PLXNA1: variants seen among roughly 807,000 people sequenced by gnomAD.
PLXNA1 encodes plexin-A1.
In PLXNA1, 77 loss-of-function variants were observed where a neutral mutation model predicts 191.7. That is an observed-to-expected ratio of 0.40 (90% CI 0.33 to 0.49). The LOEUF (loss-of-function observed/expected upper bound fraction) is 0.49, where lower values mean the gene tolerates loss of function less well. Ranked by LOEUF, PLXNA1 falls within the 20% of genes least tolerant of loss-of-function variation. The pLI, the probability that PLXNA1 is intolerant of heterozygous loss-of-function variation, is 0.63. For missense variants in PLXNA1, 2,110 were observed against 2,660.2 expected, an observed-to-expected ratio of 0.79 and a Z score of 4.55; for synonymous variants, 1,137 against 1,156.4, an observed-to-expected ratio of 0.98 and a Z score of 0.34.
chr3:126,989,088 G>T lies in PLXNA1; in HGVS notation c.495G>T (p.Glu165Asp). Residue 165 changes from glutamate to aspartate, a missense_variant, in exon 2 of 32, where the codon GAG (glutamate) becomes GAT (aspartate). Transcript: ENST00000393409. ...AGCACTACCTGTCCAGCGTGCAGGA[G>T]GCAGGCAGCATGGCGGGCGTGCTCA... ...RKEHYLSSVQ[E>D]AGSMAGVLIA... 6.2e-7 allele frequency: 1 copy of T among 1,613,420 alleles called. No homozygotes were observed. The highest frequency in any genetic ancestry group is 1.3e-5 in the African/African-American group (1 of 75,080).
At chr3:127,020,461 G>A (rs2079146945) in intron 21 of PLXNA1, 117 bp downstream of exon 21, 2 of 1,284,322 alleles carry the variant, frequency 1.6e-6, no homozygotes, top group African/African-American at 1.5e-5. Context: ...CCTGGGGGAG[G>A]GTCCAGGCCT....
intron 5 of PLXNA1, 81 bp from the exon 6 acceptor site, chr3:127,004,804 G>C: frequency 1.9e-6 from 3 of 1,588,836 alleles, no homozygotes; most frequent in Non-Finnish European, 1.7e-6. Context: ...AAGCCACCCC[G>C]AGTTCTCTGC....
At position 126,989,279 on chromosome 3, in the gene PLXNA1, T is replaced by C; in HGVS notation, c.686T>C (p.Leu229Pro). Residue 229 changes from leucine (L) to proline (P), a missense_variant, in exon 2 of 32, where the codon CTC becomes CCC. By Grantham distance (98) the Leu-to-Pro change is moderately conservative. Around this residue, in one of 4 missense-constraint regions of PLXNA1, gnomAD observed 903 missense variants for 1,015.7 expected, o/e 0.89. Transcript: ENST00000393409. ...VYQDEFVSSQ[L>P]KIPSDTLSKF... ...CAGGATGAGTTTGTGTCATCACAGC[T>C]CAAGATCCCTTCGGACACGCTGTCC... 1 of 1,613,668 alleles carries C rather than the reference T, an allele frequency of 6.2e-7. No homozygotes were observed. The highest frequency in any genetic ancestry group is 8.5e-7 in the Non-Finnish European group (1 of 1,180,036).
chr3:126,994,610 G>T (rs920844578), intron 3 of PLXNA1, among the ~76,000 whole-genome samples: 1 of 152,302 alleles, frequency 6.6e-6, no homozygotes, highest in African/African-American at 2.4e-5. Context: ...CTCTGGCCTT[G>T]CTCCACTGTG....
At position 127,010,784 on chromosome 3, in the gene PLXNA1, C is replaced by T. The variant is rs779760666; in HGVS notation, c.2113-1174C>T. Among the ~76,000 whole-genome samples, 11 of 152,320 alleles carry T rather than the reference C, an allele frequency of 7.2e-5. No individual in the cohort carries two copies. In the East Asian group the frequency reaches 1.2e-3, roughly 16 times the overall value. On this transcript the variant is annotated intron_variant, in intron 9 of 31. Transcript: ENST00000393409. ...CCGGCCAAGAGGTTTCCTGAACTTA[C>T]GGGCACCAACAAAGCCCGTCCCTCA...
intron 3 of PLXNA1, among the ~76,000 whole-genome samples, chr3:126,998,569 C>T (rs2079025587): frequency 6.6e-6 from 1 of 152,212 alleles, no homozygotes; most frequent in South Asian, 2.1e-4. Flanking sequence ...TGTGGCCTCA[C>T]CAGCTGGGTG....
At chr3:126,987,614 T>C (rs1251598675) in intron 1 of PLXNA1, among the ~76,000 whole-genome samples, 1 of 151,906 alleles carries the variant, frequency 6.6e-6, no homozygotes, top group Non-Finnish European at 1.5e-5. Context: ...GGGGTCACTG[T>C]GGAGGGGTGG....
chr3:127,032,861 C>A (rs62263312), intron 31 of PLXNA1, 25 bp downstream of exon 31: 1 of 1,608,498 alleles, frequency 6.2e-7, no homozygotes, highest in Non-Finnish European at 8.5e-7. Context: ...AGCCCACAGG[C>A]TGGGCTAGGA....
chr3:127,015,044 C>T (rs2079115981), intron 14 of PLXNA1, 140 bp from the exon 15 acceptor site: 1 of 1,367,938 alleles, frequency 7.3e-7, no homozygotes, highest in Admixed American at 2.4e-5. Flanking sequence ...GAAGTACTGG[C>T]TCTGAAGTGC....
At chr3:127,030,472 G>A in intron 29 of PLXNA1, 60 bp downstream of exon 29, 1 of 1,590,002 alleles carries the variant, frequency 6.3e-7, no homozygotes, top group African/African-American at 1.3e-5. Flanking sequence ...GTGTTCCCAG[G>A]GCCCTCGCCC....
rs73196537 is a variant in PLXNA1 at position 127,004,530 on chromosome 3, G to T, written c.1519-81G>T. ...CAGGGCCTCCCCGGGCCTAAGGAGAGCAGAGTAGGGAGTCAGAGGTGAGGA... is the reference window on the plus strand; with the variant it reads ...CAGGGCCTCCCCGGGCCTAAGGAGATCAGAGTAGGGAGTCAGAGGTGAGGA... On this transcript the variant is annotated intron_variant, in intron 4 of 31. Transcript: ENST00000393409. 8.6e-3 allele frequency: 8,359 copies of T among 969,934 alleles called. 47 individuals carry two copies. Among genetic ancestry groups the T allele is most frequent in the Non-Finnish European group, 0.012 (7,257 of 619,828 alleles). 60.1% of individuals were successfully genotyped at this position (969,934 alleles called of 1,614,324 possible).
At position 127,030,267 on chromosome 3, in the gene PLXNA1, G is replaced by T; in HGVS notation, c.5086G>T (p.Asp1696Tyr). The change falls in exon 29 of 32, where the codon GAC becomes TAC. Residue 1696 changes from aspartate to tyrosine, a missense_variant. Around this residue, in one of 4 missense-constraint regions of PLXNA1, gnomAD observed 559 missense variants for 911.5 expected, o/e 0.61. Coordinates refer to ENST00000393409, the MANE Select transcript of PLXNA1 (RefSeq NM_032242.4). Reference sequence around the variant, plus strand: ...GGGCACACTGCAGAAGTTTGTGGACGACCTGTTTGAGACCATCTTCAGCAC... The same window carrying T: ...GGGCACACTGCAGAAGTTTGTGGACTACCTGTTTGAGACCATCTTCAGCAC... ...TKGTLQKFVD[D>Y]LFETIFSTAH... 5 of 1,613,768 alleles carry T rather than the reference G, an allele frequency of 3.1e-6. No individual in the cohort carries two copies. Among genetic ancestry groups the T allele is most frequent in the Non-Finnish European group, 4.2e-6 (5 of 1,179,988 alleles).
chr3:127,028,427 G>C, intron 25 of PLXNA1, 87 bp downstream of exon 25: 1 of 1,424,886 alleles, frequency 7.0e-7, no homozygotes, highest in South Asian at 1.4e-5. Context: ...GGCGGGGAAG[G>C]CCAGGCCAGT....
Position 127,017,832 on chromosome 3 carries a change from C to T in PLXNA1, c.3600C>T (p.Thr1200=), listed in dbSNP as rs538144456. ...VLIGSTPCTL[T]VSETQLLCEA... ...TCGGCTCCACACCCTGTACCCTCAC[C>T]GTGTCGGAGACGCAACTGCTGTGCG... The change falls in exon 19 of 32, where the codon ACC becomes ACT. Residue 1200 remains threonine, a synonymous_variant. Coordinates refer to ENST00000393409, the MANE Select transcript of PLXNA1 (RefSeq NM_032242.4). 53 of 1,613,018 alleles carry T rather than the reference C, an allele frequency of 3.3e-5. No homozygotes were observed. The highest frequency in any genetic ancestry group is 1.1e-4 in the South Asian group (10 of 91,070).
At chr3:126,988,116 A>G (rs999114914) in intron 1 of PLXNA1, among the ~76,000 whole-genome samples, 1 of 152,006 alleles carries the variant, frequency 6.6e-6, no homozygotes, top group African/African-American at 2.4e-5. Flanking sequence ...GGGAGTACAG[A>G]GCTGTGGGGA....
chr3:127,008,393 G>A (rs1348188056), intron 9 of PLXNA1, among the ~76,000 whole-genome samples: 26 of 152,186 alleles, frequency 1.7e-4, no homozygotes, highest in African/African-American at 6.0e-4. Flanking sequence ...GGGTTCTGGA[G>A]TCACCAGGCG....
At chr3:127,021,651 ATG>A (rs2079152662) in intron 21 of PLXNA1, among the ~76,000 whole-genome samples, 1 of 152,278 alleles carries the variant, frequency 6.6e-6, no homozygotes, top group Admixed American at 6.5e-5. Flanking sequence ...TACCCAGTGG[ATG>A]GGGGCATTGA....
chr3:126,984,929 G>C (rs888823726), intron 1 of PLXNA1, among the ~76,000 whole-genome samples: 3 of 152,208 alleles, frequency 2.0e-5, no homozygotes, highest in Non-Finnish European at 2.9e-5. Flanking sequence ...CTTCAGAGCC[G>C]GATCCCCTAG....
At chr3:127,002,617 C>T (rs891099377) in intron 3 of PLXNA1, among the ~76,000 whole-genome samples, 1 of 152,228 alleles carries the variant, frequency 6.6e-6, no homozygotes, top group African/African-American at 2.4e-5. Flanking sequence ...AGAGCCTACC[C>T]TGGACTCAGA....
Sources: gnomAD v4.1 joint callset for allele counts (sites outside exome capture counted in the v4.1 genomes callset) on GRCh38, gnomAD v4.1.1 for gene constraint, gnomAD v4.1.1 regional missense constraint, MANE v1.5 for transcripts, NCBI Gene and HGNC (gene_info 2026-07-23, HGNC 2026-07-21) for gene names.